IARS2: variants seen among roughly 807,000 people sequenced by gnomAD.
IARS2 encodes isoleucyl-tRNA synthetase 2, mitochondrial.
A neutral mutation model predicts 126.3 loss-of-function variants in IARS2; 56 were observed. The ratio of observed to expected loss-of-function variants is 0.44; its 90% CI spans 0.36 to 0.55. The LOEUF (loss-of-function observed/expected upper bound fraction) is 0.55. Ranked by LOEUF, IARS2 falls within the 20% of genes least tolerant of loss-of-function variation. The pLI, the probability that IARS2 is intolerant of heterozygous loss-of-function variation, is 0.00. For synonymous variants in IARS2, 407 were observed against 441.1 expected (o/e 0.92, Z 0.97); for missense variants, 1,127 against 1,245.9 (o/e 0.90, Z 1.44).
chr1:220,102,622 C>A lies in IARS2; in HGVS notation c.859+18C>A. On this transcript the variant is annotated intron_variant, in intron 6 of 22. Transcript: ENST00000366922. Reference sequence around the variant, plus strand: ...TCTTATAGGTAAGATTTATTCATAGCTTGAGTGTACCAAAGTTATAGAATT... The same window carrying A: ...TCTTATAGGTAAGATTTATTCATAGATTGAGTGTACCAAAGTTATAGAATT... The A allele has an allele frequency of 6.3e-7, 1 of 1,588,474 alleles. No individual in the cohort carries two copies. The highest frequency in any genetic ancestry group is 8.6e-7 in the Non-Finnish European group (1 of 1,156,896).
At chr1:220,136,958 A>C (rs1657389833) in intron 16 of IARS2, 47 bp downstream of exon 16, 1 of 1,204,192 alleles carries the variant, frequency 8.3e-7, no homozygotes, top group African/African-American at 1.5e-5. Flanking sequence ...TAAGGATCTT[A>C]AATTGGCAGC....
In IARS2 at chr1:220,147,511, A is replaced by G. The variant is rs749306919; in HGVS notation, c.2915A>G (p.Glu972Gly). The G allele has an allele frequency of 1.9e-6, 3 of 1,614,038 alleles. No homozygotes were observed. In the African/African-American group the frequency reaches 4.0e-5, roughly 22 times the overall value. Residue 972 changes from glutamate (E) to glycine (G), a missense_variant, in exon 23 of 23, where the codon GAG (glutamate) becomes GGG (glycine). Physicochemically the swap from Glu to Gly is moderately conservative, Grantham distance 98 (BLOSUM62 -2). Transcript: ENST00000366922. ...TTTATAGGTGGTGATATTCGTGAAGAGTCTTCCTATAAAGTAATTGTCATG... is the reference window on the plus strand; with the variant it reads ...TTTATAGGTGGTGATATTCGTGAAGGGTCTTCCTATAAAGTAATTGTCATG... ...INLEGGDIRE[E>G]SSYKVIVMPT...
At chr1:220,131,648 A>C (rs1657269571) in intron 14 of IARS2, among the ~76,000 whole-genome samples, 1 of 151,348 alleles carries the variant, frequency 6.6e-6, no homozygotes, top group African/African-American at 2.4e-5. Flanking sequence ...CACTCTGCCC[A>C]GCAATTTTTA....
At chr1:220,095,541 TC>T (rs1656420889) in intron 1 of IARS2, among the ~76,000 whole-genome samples, 1 of 152,226 alleles carries the variant, frequency 6.6e-6, no homozygotes, top group Non-Finnish European at 1.5e-5. Flanking sequence ...TTCAAATGTT[TC>T]CTCGTTTAAT....
intron 13 of IARS2, 78 bp from the exon 14 acceptor site, chr1:220,126,672 A>G (rs1657161875): frequency 9.9e-7 from 1 of 1,007,826 alleles, no homozygotes; most frequent in South Asian, 1.4e-5. Flanking sequence ...TCATTTTCTG[A>G]AGACTTTTGG....
rs1455998216 is a variant in IARS2 at position 220,128,037 on chromosome 1, A to G, written c.1837+1194A>G. On this transcript the variant is annotated intron_variant, in intron 14 of 22. Transcript: ENST00000366922. Reference sequence around the variant, plus strand: ...GCATATATGATGATGGCCCCACAAGATGATAATACATCTGACTCCTGAACA... The same window carrying G: ...GCATATATGATGATGGCCCCACAAGGTGATAATACATCTGACTCCTGAACA... Among the ~76,000 whole-genome samples the G allele has an allele frequency of 2.0e-5, 3 of 152,188 alleles. No homozygotes were observed. In the East Asian group the frequency reaches 5.8e-4, roughly 29 times the overall value.
At chr1:220,117,403 T>A (rs1304450588) in intron 12 of IARS2, among the ~76,000 whole-genome samples, 3 of 151,826 alleles carry the variant, frequency 2.0e-5, no homozygotes, top group Non-Finnish European at 1.5e-5. Context: ...TTTCTCCATG[T>A]TGGTCAGGCT....
At chr1:220,102,092 T>C (rs1018589849) in intron 3 of IARS2, 37 bp from the exon 4 acceptor site, 2 of 1,561,686 alleles carry the variant, frequency 1.3e-6, no homozygotes, top group African/African-American at 1.4e-5. Flanking sequence ...TTCGAATTCA[T>C]TGGTTTTTTA....
chr1:220,112,124 CTTTTTTTTTTTTT>C (rs1279509771), intron 11 of IARS2, among the ~76,000 whole-genome samples: 1 of 114,756 alleles, frequency 8.7e-6, no homozygotes, highest in Non-Finnish European at 1.8e-5. Context: ...CGACCACCTA[CTTTTTTTTTTTTT>C]TTTTTTTTGA....
intron 12 of IARS2, among the ~76,000 whole-genome samples, chr1:220,124,602 C>T (rs1007357251): frequency 6.6e-5 from 10 of 152,150 alleles, no homozygotes; most frequent in African/African-American, 2.2e-4. Flanking sequence ...AGTACTTGTG[C>T]ATGGTCATAT....
At chr1:220,101,178 TG>T (rs1260556503) in intron 3 of IARS2, among the ~76,000 whole-genome samples, 2 of 152,184 alleles carry the variant, frequency 1.3e-5, no homozygotes. Context: ...ATTAATTTTT[TG>T]TGTATAATGA....
intron 17 of IARS2, 40 bp downstream of exon 17, chr1:220,138,083 T>G: frequency 6.3e-7 from 1 of 1,592,242 alleles, no homozygotes; most frequent in South Asian, 1.1e-5. Flanking sequence ...AGGACAAGTT[T>G]GTCAAATCAT....
intron 10 of IARS2, among the ~76,000 whole-genome samples, chr1:220,108,943 G>A (rs1402882517): frequency 1.4e-5 from 2 of 146,026 alleles, no homozygotes; most frequent in African/African-American, 5.2e-5. Flanking sequence ...ATCAAAGCAG[G>A]TGGACTATTG....
chr1:220,099,291 G>A (rs886748608), intron 2 of IARS2, among the ~76,000 whole-genome samples: 3 of 150,380 alleles, frequency 2.0e-5, no homozygotes, highest in Non-Finnish European at 3.0e-5. Flanking sequence ...AATTTTTCTA[G>A]TGGCCCCAGA....
intron 13 of IARS2, 125 bp downstream of exon 13, chr1:220,125,464 GA>G: frequency 4.7e-6 from 3 of 632,876 alleles, no homozygotes; most frequent in Non-Finnish European, 5.6e-6. Context: ...CTGTAAATTA[GA>G]AGCTAATGCA....
intron 4 of IARS2, 30 bp downstream of exon 4, chr1:220,102,307 G>A (rs1415312788): frequency 6.2e-7 from 1 of 1,606,600 alleles, no homozygotes; most frequent in Non-Finnish European, 8.5e-7. Context: ...CTTTGAGTAG[G>A]TTTTAGTATG....
chr1:220,094,464 C>A lies in IARS2; in HGVS notation c.248C>A (p.Thr83Lys). ...CTGCTGGGCCGCCAGCAGCCGGACACGGAGCTGGAGATCCAGCAGGTACGG... is the reference window on the plus strand; with the variant it reads ...CTGCTGGGCCGCCAGCAGCCGGACAAGGAGCTGGAGATCCAGCAGGTACGG... ...MKLLGRQQPD[T>K]ELEIQQKCGF... Residue 83 changes from threonine to lysine, a missense_variant, in exon 1 of 23, where the codon ACG (threonine) becomes AAG (lysine). By Grantham distance (78) the Thr-to-Lys change is moderately conservative. Transcript: ENST00000366922. 1 of 1,608,890 alleles carries A rather than the reference C, an allele frequency of 6.2e-7. No individual in the cohort carries two copies. Among genetic ancestry groups the A allele is most frequent in the South Asian group, 1.1e-5 (1 of 90,620 alleles).
intron 21 of IARS2, chr1:220,143,335 T>C: frequency 2.7e-6 from 1 of 365,564 alleles, no homozygotes; most frequent in Non-Finnish European, 4.8e-6. Flanking sequence ...TCATGCACAT[T>C]TAAAAAAAAG....
intron 12 of IARS2, among the ~76,000 whole-genome samples, chr1:220,117,134 G>GTT (rs201533210): frequency 5.2e-5 from 5 of 96,546 alleles, no homozygotes; most frequent in Admixed American, 1.0e-4. Flanking sequence ...ACACTGGAAA[G>GTT]TTTTTTTTTT....
Sources: gnomAD v4.1 joint callset for allele counts (sites outside exome capture counted in the v4.1 genomes callset) on GRCh38, gnomAD v4.1.1 for gene constraint, MANE v1.5 for transcripts, NCBI Gene and HGNC (gene_info 2026-07-23, HGNC 2026-07-21) for gene names.